Variants in XKR9 observed in about 807,000 individuals in gnomAD.
XKR9 encodes XK related 9, also known as XK-related protein 9.
XKR9 carries 32 observed loss-of-function variants against 32.0 expected under a neutral mutation model. That is an observed-to-expected ratio of 1.00 (90% confidence interval 0.76 to 1.34). The LOEUF (loss-of-function observed/expected upper bound fraction) is 1.34, where lower values mean the gene tolerates loss of function less well. Among genes scored for constraint, XKR9 ranks in the 40% most tolerant of loss-of-function variants. The pLI is 0.00. For synonymous variants in XKR9, 168 were observed against 143.4 expected (o/e 1.17, Z -1.22); for missense variants, 546 against 429.7 (o/e 1.27, Z -2.39).
At chr8:70,865,624 A>G in the XKR9 span, among the ~76,000 whole-genome samples, 1 of 152,294 alleles carries the variant, frequency 6.6e-6, no homozygotes, top group East Asian at 1.9e-4. Context: ...TCATTCAGTT[A>G]GAATCAGTTC....
chr8:70,924,736 T>C, the XKR9 span, among the ~76,000 whole-genome samples: 1 of 152,204 alleles, frequency 6.6e-6, no homozygotes, highest in Non-Finnish European at 1.5e-5. Context: ...TCACAAAAGT[T>C]TGCTTGAAGA....
At chr8:70,807,379 C>A in the XKR9 span, among the ~76,000 whole-genome samples, 1 of 152,126 alleles carries the variant, frequency 6.6e-6, no homozygotes, top group East Asian at 1.9e-4. Context: ...AAGCAGCCAG[C>A]ATCATGATGA....
At chr8:70,951,483 C>T in the XKR9 span, among the ~76,000 whole-genome samples, 1 of 152,228 alleles carries the variant, frequency 6.6e-6, no homozygotes, top group Non-Finnish European at 1.5e-5. Context: ...TATTTGTTAG[C>T]ACTTTACACA....
intron 2 of XKR9, among the ~76,000 whole-genome samples, chr8:70,768,452 T>G (rs553565180): frequency 1.3e-5 from 2 of 152,332 alleles, no homozygotes; most frequent in Non-Finnish European, 2.9e-5. Flanking sequence ...GGTCCAGAGC[T>G]GAGTTCAAGG....
At chr8:70,834,065 G>A in the XKR9 span, among the ~76,000 whole-genome samples, 1 of 152,162 alleles carries the variant, frequency 6.6e-6, no homozygotes, top group East Asian at 1.9e-4. Flanking sequence ...AACTCTTTGT[G>A]TAGATCTCCC....
At chr8:71,025,478 G>A in the XKR9 span, among the ~76,000 whole-genome samples, 13 of 152,250 alleles carry the variant, frequency 8.5e-5, 1 homozygote, top group African/African-American at 2.9e-4. Context: ...CGTAACAAAG[G>A]CTTTTAAATT....
chr8:70,901,904 A>T, the XKR9 span, among the ~76,000 whole-genome samples: 4 of 152,190 alleles, frequency 2.6e-5, no homozygotes, highest in Non-Finnish European at 5.9e-5. Flanking sequence ...AGCACCATTT[A>T]TTAAATACGG....
At chr8:70,782,054 A>T (rs1807624814) in intron 2 of XKR9, among the ~76,000 whole-genome samples, 2 of 152,296 alleles carry the variant, frequency 1.3e-5, no homozygotes, top group Admixed American at 6.5e-5. Flanking sequence ...TCCTGAGTAA[A>T]GTCTTTCTTT....
chr8:70,761,793 G>A (rs75074071), intron 2 of XKR9, among the ~76,000 whole-genome samples: 11,022 of 152,006 alleles, frequency 0.073, 473 homozygotes, highest in Non-Finnish European at 0.089. Flanking sequence ...GAATGGTATC[G>A]CCTAGGTTTT....
chr8:70,933,357 G>C, the XKR9 span, among the ~76,000 whole-genome samples: 1 of 152,094 alleles, frequency 6.6e-6, no homozygotes, highest in African/African-American at 2.4e-5. Context: ...GGGACGCTTA[G>C]GGCGTTTAGG....
At chr8:71,048,338 G>C in the XKR9 span, among the ~76,000 whole-genome samples, 84 of 152,206 alleles carry the variant, frequency 5.5e-4, no homozygotes, top group Admixed American at 2.6e-3. Context: ...ACATCGTTTA[G>C]AGCTGAGCCT....
the XKR9 span, among the ~76,000 whole-genome samples, chr8:70,811,430 T>A: frequency 6.6e-6 from 1 of 151,816 alleles, no homozygotes; most frequent in East Asian, 1.9e-4. Context: ...AGGCAAGAAA[T>A]CACTAAAATC....
chr8:70,853,484 C>T, the XKR9 span, among the ~76,000 whole-genome samples: 1 of 151,514 alleles, frequency 6.6e-6, no homozygotes, highest in Non-Finnish European at 1.5e-5. Context: ...ACCTATACAT[C>T]TACCATGTAC....
the XKR9 span, among the ~76,000 whole-genome samples, chr8:70,877,051 A>C: frequency 6.6e-6 from 1 of 152,202 alleles, no homozygotes; most frequent in African/African-American, 2.4e-5. Flanking sequence ...GGTTTAATTG[A>C]CTCAGTTCTG....
the XKR9 span, among the ~76,000 whole-genome samples, chr8:70,873,958 C>G: frequency 6.6e-6 from 1 of 152,338 alleles, no homozygotes; most frequent in African/African-American, 2.4e-5. Context: ...AGCAACCCCC[C>G]TCCTGATGAG....
chr8:70,718,027 G>C (rs372254614), intron 4 of XKR9, among the ~76,000 whole-genome samples: 11 of 152,162 alleles, frequency 7.2e-5, no homozygotes, highest in African/African-American at 2.6e-4. Flanking sequence ...CTCCATCTGA[G>C]ACCACCTCAT....
chr8:70,672,171 T>C (rs1818736603), intron 1 of XKR9, among the ~76,000 whole-genome samples: 1 of 63,194 alleles, frequency 1.6e-5, no homozygotes, highest in Non-Finnish European at 4.3e-5. Context: ...TTCAATGCCA[T>C]CCCCATCAAG....
downstream of XKR9, among the ~76,000 whole-genome samples, chr8:70,791,648 A>G (rs988919473): frequency 1.3e-5 from 2 of 151,506 alleles, no homozygotes; most frequent in African/African-American, 4.9e-5. Context: ...CCCTGTTGCC[A>G]TGGAGTTATG....
At chr8:70,728,795 A>G (rs1806563849) in intron 4 of XKR9, among the ~76,000 whole-genome samples, 1 of 152,268 alleles carries the variant, frequency 6.6e-6, no homozygotes, top group African/African-American at 2.4e-5. Flanking sequence ...CATACGGTGC[A>G]GCAAGATTAT....
Sources: allele counts gnomAD v4.1 joint callset (sites outside exome capture counted in the v4.1 genomes callset), GRCh38; gene constraint gnomAD v4.1.1; transcripts MANE v1.5; gene names NCBI Gene and HGNC (gene_info 2026-07-23, HGNC 2026-07-21).